CTNNA2: variants seen among roughly 807,000 people sequenced by gnomAD.
CTNNA2 encodes catenin alpha-2.
In CTNNA2, 42 loss-of-function variants were observed where a neutral mutation model predicts 101.0. The ratio of observed to expected loss-of-function variants is 0.42; its 90% CI spans 0.32 to 0.54. The LOEUF is 0.54. Ranked by LOEUF, CTNNA2 falls within the 20% of genes least tolerant of loss-of-function variation. The probability of loss-of-function intolerance (pLI) is 0.14; values close to 1 mark genes in which losing one functional copy is unlikely to be tolerated. For missense variants in CTNNA2, 871 were observed against 1,223.1 expected (o/e 0.71, Z 4.29); for synonymous variants, 450 against 456.4 (o/e 0.99, Z 0.18).
At chr2:79,952,881 T>C (rs187300899) in intron 7 of CTNNA2, among the ~76,000 whole-genome samples, 1 of 152,350 alleles carries the variant, frequency 6.6e-6, no homozygotes, top group Non-Finnish European at 1.5e-5. Context: ...ACAGTCTGCC[T>C]ATCCCTACTT....
At chr2:79,477,776 T>C (rs984924644) in intron 4 of CTNNA2, among the ~76,000 whole-genome samples, 3 of 152,196 alleles carry the variant, frequency 2.0e-5, no homozygotes, top group African/African-American at 7.2e-5. Flanking sequence ...CAGAATACGC[T>C]AGTTACTGTT....
At chr2:79,562,889 CTGTG>C (rs1184360291) in intron 1 of CTNNA2, among the ~76,000 whole-genome samples, 1 of 151,290 alleles carries the variant, frequency 6.6e-6, no homozygotes, top group Non-Finnish European at 1.5e-5. Context: ...GTGTGTATGT[CTGTG>C]TGTGTCTGTG....
chr2:79,705,812 C>T (rs1018387478), intron 2 of CTNNA2, among the ~76,000 whole-genome samples: 1 of 152,200 alleles, frequency 6.6e-6, no homozygotes, highest in Admixed American at 6.5e-5. Context: ...ATCTAGCACA[C>T]TGCCTGTAAC....
At chr2:80,030,231 TA>T (rs199886453) in intron 7 of CTNNA2, among the ~76,000 whole-genome samples, 8,222 of 137,594 alleles carry the variant, frequency 0.06, 303 homozygotes, top group African/African-American at 0.11. Context: ...GAATTATTGT[TA>T]AAAAAAAAAA....
intron 3 of CTNNA2, among the ~76,000 whole-genome samples, chr2:79,324,609 T>C (rs17016867): frequency 0.14 from 21,968 of 152,126 alleles, 1,662 homozygotes; most frequent in East Asian, 0.17. Context: ...TTGTTTGCTA[T>C]TAGCCTCTGG....
intron 7 of CTNNA2, among the ~76,000 whole-genome samples, chr2:80,220,643 T>A (rs1708522059): frequency 6.6e-6 from 1 of 152,358 alleles, no homozygotes; most frequent in Non-Finnish European, 1.5e-5. Flanking sequence ...TTGTCATGGA[T>A]AGTCACACTT....
At chr2:79,189,390 G>T (rs558900903) in intron 1 of CTNNA2, among the ~76,000 whole-genome samples, 1 of 151,754 alleles carries the variant, frequency 6.6e-6, no homozygotes, top group Non-Finnish European at 1.5e-5. Flanking sequence ...CTACTTCATT[G>T]ATGTCTGGTC....
At chr2:80,480,304 A>T (rs1200070722) in intron 9 of CTNNA2, among the ~76,000 whole-genome samples, 1 of 152,058 alleles carries the variant, frequency 6.6e-6, no homozygotes, top group East Asian at 1.9e-4. Context: ...TTTAAAATGT[A>T]AAAAAAGATA....
chr2:80,506,930 G>T (rs1382879458), intron 9 of CTNNA2, among the ~76,000 whole-genome samples: 1 of 152,158 alleles, frequency 6.6e-6, no homozygotes, highest in Non-Finnish European at 1.5e-5. Flanking sequence ...TAAGATAGGG[G>T]TGAGAATACT....
intron 3 of CTNNA2, among the ~76,000 whole-genome samples, chr2:79,829,360 T>TAC (rs55934940): frequency 0.061 from 6,905 of 113,066 alleles, 268 homozygotes; most frequent in South Asian, 0.098. Context: ...CAACTAAAAC[T>TAC]ACACACACAC....
chr2:79,581,719 T>G (rs1386849770), intron 1 of CTNNA2, among the ~76,000 whole-genome samples: 1 of 152,200 alleles, frequency 6.6e-6, no homozygotes, highest in Non-Finnish European at 1.5e-5. Flanking sequence ...ATTGAAGGTA[T>G]GCATACAAAA....
intron 7 of CTNNA2, among the ~76,000 whole-genome samples, chr2:80,309,186 C>T (rs532898021): frequency 6.6e-6 from 1 of 152,304 alleles, no homozygotes; most frequent in East Asian, 1.9e-4. Flanking sequence ...CAGGTTTTCT[C>T]TATACTGGTG....
intron 4 of CTNNA2, among the ~76,000 whole-genome samples, chr2:79,865,861 A>T (rs1682044589): frequency 6.6e-6 from 1 of 152,174 alleles, no homozygotes; most frequent in Non-Finnish European, 1.5e-5. Flanking sequence ...CTGGGACTAT[A>T]GGCACCCACC....
chr2:79,337,170 C>T (rs1191605087), intron 3 of CTNNA2, among the ~76,000 whole-genome samples: 1 of 152,178 alleles, frequency 6.6e-6, no homozygotes, highest in Non-Finnish European at 1.5e-5. Context: ...GGAGATTTCT[C>T]TGCAGCAAAG....
At chr2:79,607,232 C>A (rs1677953105) in intron 1 of CTNNA2, among the ~76,000 whole-genome samples, 1 of 152,064 alleles carries the variant, frequency 6.6e-6, no homozygotes, top group Non-Finnish European at 1.5e-5. Context: ...TTTACATATG[C>A]ACCTCATAAA....
At chr2:80,485,290 C>A (rs1686481098) in intron 9 of CTNNA2, among the ~76,000 whole-genome samples, 2 of 152,170 alleles carry the variant, frequency 1.3e-5, no homozygotes, top group Non-Finnish European at 2.9e-5. Flanking sequence ...ATATAATCAG[C>A]ATCCCTGTGC....
At chr2:79,403,180 A>G (rs779743537) in intron 4 of CTNNA2, among the ~76,000 whole-genome samples, 3 of 151,854 alleles carry the variant, frequency 2.0e-5, no homozygotes, top group African/African-American at 4.8e-5. Context: ...TCTTCATACA[A>G]AGGAAAAAAC....
At chr2:80,640,454 A>G (rs913689493) in intron 18 of CTNNA2, among the ~76,000 whole-genome samples, 9 of 152,266 alleles carry the variant, frequency 5.9e-5, no homozygotes, top group African/African-American at 2.2e-4. Context: ...GAACATATAA[A>G]CATTCTGAGA....
At chr2:80,528,547 T>C (rs1168140633) in intron 9 of CTNNA2, among the ~76,000 whole-genome samples, 2 of 152,144 alleles carry the variant, frequency 1.3e-5, no homozygotes, top group African/African-American at 2.4e-5. Flanking sequence ...GCTACTGGCC[T>C]GTGGACAATG....
Sources: gnomAD v4.1 joint callset for allele counts (sites outside exome capture counted in the v4.1 genomes callset) on GRCh38, gnomAD v4.1.1 for gene constraint, MANE v1.5 for transcripts, NCBI Gene and HGNC (gene_info 2026-07-23, HGNC 2026-07-21) for gene names.